PSD2: variants seen among roughly 807,000 people sequenced by gnomAD.
PSD2 encodes the protein pleckstrin and Sec7 domain containing 2, also known as PH and SEC7 domain-containing protein 2.
PSD2 carries 38 observed loss-of-function variants against 69.8 expected under a neutral mutation model. The observed-to-expected ratio is 0.54, with a 90% CI of 0.42 to 0.71. The LOEUF (loss-of-function observed/expected upper bound fraction) is 0.71, where lower values mean the gene tolerates loss of function less well. PSD2 is among the 30% of genes least tolerant of loss of function. The probability of loss-of-function intolerance (pLI) is 0.00; values close to 1 mark genes in which losing one functional copy is unlikely to be tolerated. For missense variants in PSD2, 943 were observed against 1,014.5 expected (o/e 0.93, Z 0.96); for synonymous variants, 412 against 423.0 (o/e 0.97, Z 0.32).
chr5:139,822,654 GGTTCCGTC>G (rs1760300369), intron 6 of PSD2, 64 bp from the exon 7 acceptor site: 1 of 1,400,760 alleles, frequency 7.1e-7, no homozygotes, highest in African/African-American at 1.4e-5. Context: ...TCTCCTGACG[GGTTCCGTC>G]AGGAGACAGG....
At position 139,811,001 on chromosome 5, in the gene PSD2, G is replaced by C. The variant is rs77827808; in HGVS notation, c.371+1190G>C. On this transcript the variant is annotated intron_variant, in intron 2 of 14. Coordinates refer to ENST00000274710, the MANE Select transcript of PSD2 (RefSeq NM_032289.4). ...ATTGGTGGCTCTGACCCTGGGCTGA[G>C]AGCTCCCCACAAGCAGGGCTCTGTC... 2.6e-5 allele frequency among the ~76,000 whole-genome samples: 4 copies of C among 152,168 alleles called. No individual in the cohort carries two copies. In the South Asian group the frequency reaches 8.3e-4, roughly 32 times the overall value.
the PSD2 span, among the ~76,000 whole-genome samples, chr5:139,768,687 C>T: frequency 6.6e-6 from 1 of 150,886 alleles, no homozygotes; most frequent in Non-Finnish European, 1.5e-5. Context: ...CAAGCCATTG[C>T]ACTCCAGCCT....
chr5:139,783,984 G>A, the PSD2 span, among the ~76,000 whole-genome samples: 5 of 98,292 alleles, frequency 5.1e-5, no homozygotes, highest in African/African-American at 1.3e-4. Context: ...TTGTTCTGTC[G>A]CCCATGCTGG....
At chr5:139,833,654 C>T (rs1177338400) in intron 7 of PSD2, 48 bp from the exon 8 acceptor site, 2 of 1,410,242 alleles carry the variant, frequency 1.4e-6, no homozygotes, top group Middle Eastern at 1.8e-4. Context: ...GTGGGGAACA[C>T]ACCAGCCTCC....
chr5:139,774,211 C>G, the PSD2 span, among the ~76,000 whole-genome samples: 1 of 151,930 alleles, frequency 6.6e-6, no homozygotes, highest in Non-Finnish European at 1.5e-5. Context: ...GGGTGGGGAG[C>G]CTCTTAGCTT....
chr5:139,784,101 T>C, the PSD2 span, among the ~76,000 whole-genome samples: 1 of 151,636 alleles, frequency 6.6e-6, no homozygotes, highest in Non-Finnish European at 1.5e-5. Flanking sequence ...ACCACCACAC[T>C]GGCTAATTTT....
intron 1 of PSD2, among the ~76,000 whole-genome samples, chr5:139,796,396 T>G (rs1759529724): frequency 6.6e-6 from 1 of 152,130 alleles, no homozygotes; most frequent in African/African-American, 2.4e-5. Flanking sequence ...ATCGGGGCAT[T>G]GGGTACCGGG....
At position 139,821,878 on chromosome 5, in the gene PSD2, T is replaced by C; in HGVS notation, c.1098-15T>C. The C allele has an allele frequency of 6.4e-7, 1 of 1,566,170 alleles. No homozygotes were observed. Among genetic ancestry groups the C allele is most frequent in the Non-Finnish European group, 8.7e-7 (1 of 1,143,452 alleles). ...GGACTCAGACTGCCCTCAGCAGCTT[T>C]GAATTGCCTTCCAGAACATTCTTGA... On this transcript the variant is annotated splice_polypyrimidine_tract_variant and intron_variant, in intron 5 of 14. Transcript: ENST00000274710.
At chr5:139,765,250 C>A in the PSD2 span, among the ~76,000 whole-genome samples, 1 of 152,110 alleles carries the variant, frequency 6.6e-6, no homozygotes, top group African/African-American at 2.4e-5. Context: ...TTCAGTACCC[C>A]CAGTGCCTAC....
chr5:139,799,949 G>T (rs1759627403), intron 1 of PSD2, among the ~76,000 whole-genome samples: 1 of 152,164 alleles, frequency 6.6e-6, no homozygotes, highest in Non-Finnish European at 1.5e-5. Context: ...CCAGAGGAAT[G>T]GTGTGTGGGA....
the PSD2 span, among the ~76,000 whole-genome samples, chr5:139,745,636 G>C: frequency 6.6e-6 from 1 of 152,252 alleles, no homozygotes; most frequent in Non-Finnish European, 1.5e-5. Flanking sequence ...CTCAGTGTCT[G>C]CTGGATGCGG....
chr5:139,750,152 C>T, the PSD2 span, among the ~76,000 whole-genome samples: 17 of 152,012 alleles, frequency 1.1e-4, no homozygotes, highest in African/African-American at 2.9e-4. Flanking sequence ...GGTGAAACCC[C>T]GTCTCTACTA....
chr5:139,837,651 A>C lies in PSD2; in HGVS notation c.1692A>C (p.Leu564=). ...ATGAGTACAGGCCTGACAAAGCTCT[A>C]TCGGAGGGTGACCTGAAGAACGCCA... ...QKDEYRPDKA[L]SEGDLKNAIR... Residue 564 remains leucine, a synonymous_variant, in exon 12 of 15, where the codon CTA becomes CTC. Transcript: ENST00000274710. The surrounding 1 kb of genome is among the most constrained non-coding windows in gnomAD (Gnocchi z 5.0). 4 of 1,613,510 alleles carry C rather than the reference A, an allele frequency of 2.5e-6. No individual in the cohort carries two copies. Among genetic ancestry groups the C allele is most frequent in the Non-Finnish European group, 3.4e-6 (4 of 1,179,550 alleles).
At chr5:139,754,298 G>A in the PSD2 span, among the ~76,000 whole-genome samples, 4 of 152,162 alleles carry the variant, frequency 2.6e-5, no homozygotes, top group African/African-American at 9.7e-5. Flanking sequence ...TGGGTGTGGT[G>A]TTGCATGTCT....
intron 1 of PSD2, among the ~76,000 whole-genome samples, chr5:139,799,000 A>G (rs1759599986): frequency 1.3e-5 from 2 of 151,920 alleles, no homozygotes; most frequent in African/African-American, 4.8e-5. Context: ...GTCAATTTGG[A>G]AGGCTTGTGA....
At chr5:139,753,928 C>T in the PSD2 span, among the ~76,000 whole-genome samples, 1 of 152,156 alleles carries the variant, frequency 6.6e-6, no homozygotes, top group African/African-American at 2.4e-5. Context: ...ACTCCGCCTC[C>T]CAGGTTCAAG....
chr5:139,832,079 T>C (rs1760609873), intron 7 of PSD2, among the ~76,000 whole-genome samples: 1 of 152,204 alleles, frequency 6.6e-6, no homozygotes, highest in Non-Finnish European at 1.5e-5. Flanking sequence ...CCTTCACTGC[T>C]TTTGTAAAGC....
At chr5:139,768,616 G>A in the PSD2 span, among the ~76,000 whole-genome samples, 193 of 152,108 alleles carry the variant, frequency 1.3e-3, no homozygotes, top group Non-Finnish European at 1.6e-3. Context: ...CCAGCTATTT[G>A]GGAGGCTGAG....
intron 1 of PSD2, among the ~76,000 whole-genome samples, chr5:139,798,813 C>T (rs1052404659): frequency 6.6e-6 from 1 of 152,172 alleles, no homozygotes; most frequent in Non-Finnish European, 1.5e-5. Context: ...AGTAATCATC[C>T]AGTTTAACCT....
Sources: allele counts gnomAD v4.1 joint callset (sites outside exome capture counted in the v4.1 genomes callset), GRCh38; gene constraint gnomAD v4.1.1; non-coding constraint Gnocchi (gnomAD v3.1); transcripts MANE v1.5; gene names NCBI Gene and HGNC (gene_info 2026-07-23, HGNC 2026-07-21).